Variants in DOCK7 observed in about 807,000 individuals in gnomAD.
DOCK7 encodes dedicator of cytokinesis protein 7.
In DOCK7, 138 loss-of-function variants were observed where a neutral mutation model predicts 271.0. The observed-to-expected ratio is 0.51, with a 90% confidence interval of 0.44 to 0.59. DOCK7 has a LOEUF of 0.59. Ranked by LOEUF, DOCK7 falls within the 20% of genes least tolerant of loss-of-function variation. The pLI is 0.00. For synonymous variants in DOCK7, 823 were observed against 876.1 expected, an observed-to-expected ratio of 0.94 and a Z score of 1.07; for missense variants, 2,066 against 2,592.4, an observed-to-expected ratio of 0.80 and a Z score of 4.41.
chr1:62,570,713 G>A (rs1646743302), intron 18 of DOCK7, among the ~76,000 whole-genome samples: 1 of 152,058 alleles, frequency 6.6e-6, no homozygotes, highest in African/African-American at 2.4e-5. Flanking sequence ...CAGACACATA[G>A]ACCAATGGAA....
chr1:62,602,232 C>A, intron 14 of DOCK7: 1 of 1,386,550 alleles, frequency 7.2e-7, no homozygotes, highest in Admixed American at 1.7e-5. Context: ...GTGTTATTTA[C>A]ATCTGTCAAC....
At chr1:62,626,504 A>C (rs1396829963) in intron 11 of DOCK7, among the ~76,000 whole-genome samples, 1 of 152,080 alleles carries the variant, frequency 6.6e-6, no homozygotes, top group Non-Finnish European at 1.5e-5. Context: ...CAAAAAAAAA[A>C]AGACTCAAAT....
intron 31 of DOCK7, among the ~76,000 whole-genome samples, chr1:62,525,138 T>G (rs1557666532): frequency 6.6e-6 from 1 of 151,146 alleles, no homozygotes; most frequent in Non-Finnish European, 1.5e-5. Flanking sequence ...CCTGAGTAGC[T>G]GGGATTACAG....
chr1:62,636,423 T>G, intron 8 of DOCK7, 114 bp downstream of exon 8: 1 of 769,670 alleles, frequency 1.3e-6, no homozygotes, highest in Non-Finnish European at 2.0e-6. Context: ...TCTATTTCCT[T>G]TTTAAAAAGA....
At chr1:62,583,399 C>T in intron 15 of DOCK7, 145 bp from the exon 16 acceptor site, 1 of 602,338 alleles carries the variant, frequency 1.7e-6, no homozygotes, top group South Asian at 2.6e-5. Flanking sequence ...TACTGACGTT[C>T]ATCAAAAAGT....
Position 62,490,464 on chromosome 1 carries a change from ACC to A in DOCK7, c.5362-1401_5362-1400del, listed in dbSNP as rs1646431942. Among the ~76,000 whole-genome samples, 5 of 152,102 alleles carry A rather than the reference ACC, an allele frequency of 3.3e-5. No individual in the cohort carries two copies. In the South Asian group the frequency reaches 6.2e-4, roughly 19 times the overall value. Reference sequence around the variant, plus strand: ...AAGAGAGAGATGTTTTCCAAAAGCCACCGAGTCCTCATCGGTTCACAGATCAG... The same window carrying A: ...AAGAGAGAGATGTTTTCCAAAAGCCAGAGTCCTCATCGGTTCACAGATCAG... On this transcript the variant is annotated intron_variant, in intron 41 of 49. Coordinates refer to ENST00000635253, the MANE Select transcript of DOCK7 (RefSeq NM_001367561.1).
intron 12 of DOCK7, among the ~76,000 whole-genome samples, chr1:62,623,395 T>C (rs1384419211): frequency 6.6e-6 from 1 of 152,246 alleles, no homozygotes; most frequent in African/African-American, 2.4e-5. Context: ...AGCAATCATT[T>C]ATTTTTAAGT....
chr1:62,623,774 G>A (rs1653580099), intron 12 of DOCK7, among the ~76,000 whole-genome samples: 1 of 152,150 alleles, frequency 6.6e-6, no homozygotes, highest in Non-Finnish European at 1.5e-5. Context: ...ATAATAAAAA[G>A]ACCAATACCA....
chr1:62,593,621 AACT>A (rs1648785728), intron 14 of DOCK7, among the ~76,000 whole-genome samples: 2 of 152,258 alleles, frequency 1.3e-5, no homozygotes, highest in African/African-American at 2.4e-5. Flanking sequence ...ACGGCTGTTC[AACT>A]AAAAAATATA....
Position 62,529,360 on chromosome 1 carries a change from T to C in DOCK7, c.3698A>G (p.Gln1233Arg). The C allele has an allele frequency of 6.2e-7, 1 of 1,613,804 alleles. No homozygotes were observed. The highest frequency in any genetic ancestry group is 8.5e-7 in the Non-Finnish European group (1 of 1,179,920). Residue 1233 changes from glutamine to arginine, a missense_variant, in exon 30 of 50, where the codon CAG (glutamine) becomes CGG (arginine). Coordinates refer to ENST00000635253, the MANE Select transcript of DOCK7 (RefSeq NM_001367561.1). ...HDSDPRYSDP[Q>R]IKARVAMLYL... is the part of the protein sequence containing the mutation. ...CAACATGGCCACTCGAGCCTTTATC[T>C]GAGGGTCAGAGTACCGCGGGTCTGA...
intron 12 of DOCK7, among the ~76,000 whole-genome samples, chr1:62,624,246 G>T (rs139912872): frequency 1.3e-5 from 2 of 151,920 alleles, no homozygotes; most frequent in African/African-American, 2.4e-5. Context: ...GGGAGGGGGG[G>T]AACGACTCCC....
Position 62,503,933 on chromosome 1 carries a change from G to A in DOCK7, c.4764+697C>T, listed in dbSNP as rs969655159. On this transcript the variant is annotated intron_variant, in intron 37 of 49. Transcript: ENST00000635253. ...GTGGTGGCGGGCACCTGTAATCCCA[G>A]CTACTTGGGAGGCTGAGGCAGGAGA... Among the ~76,000 whole-genome samples, 4 of 152,040 alleles carry A rather than the reference G, an allele frequency of 2.6e-5. No individual in the cohort carries two copies. In the East Asian group the frequency reaches 7.8e-4, roughly 30 times the overall value.
chr1:62,587,299 T>TAAAAAAAAAAAAAAAAAAAAAAAAAAAC, intron 14 of DOCK7, among the ~76,000 whole-genome samples: 2 of 41,818 alleles, frequency 4.8e-5, no homozygotes, highest in African/African-American at 7.2e-5. Context: ...ACCAAATAGC[T>TAAAAAAAAAAAAAAAAAAAAAAAAAAAC]AAAAAAAAAA....
chr1:62,553,326 A>ATATATATG (rs1557706012), intron 21 of DOCK7, among the ~76,000 whole-genome samples: 6 of 3,246 alleles, frequency 1.8e-3, no homozygotes, highest in African/African-American at 6.8e-3. Context: ...ATATATATAT[A>ATATATATG]TATATATATA....
rs186585215 is a variant in DOCK7, at chr1:62,675,700, G to T, written c.38+12527C>A. On this transcript the variant is annotated intron_variant, in intron 1 of 49. Coordinates refer to ENST00000635253, the MANE Select transcript of DOCK7 (RefSeq NM_001367561.1). ...CTCAGGAGGCTGAGGCAGGAGAATG[G>T]TGTGAACCCGGGAAGTGGAGCTTGC... Among the ~76,000 whole-genome samples, 4 of 152,024 alleles carry T rather than the reference G, an allele frequency of 2.6e-5. No individual in the cohort carries two copies. The East Asian group carries it at 7.7e-4, about 29-fold the overall frequency.
In DOCK7 at chr1:62,688,324, G is replaced by A. The variant is rs1416324062; in HGVS notation, c.-60C>T. The A allele has an allele frequency of 4.5e-6, 5 of 1,112,474 alleles. No individual in the cohort carries two copies. In the Admixed American group the frequency reaches 1.8e-4, roughly 41 times the overall value. The allele number at this position is 1,112,474 out of a possible 1,614,324, so 68.9% of individuals were successfully genotyped here. A position where few individuals can be genotyped will look rare whatever the true frequency, so the allele number is the denominator to read the frequency against. On this transcript the variant is annotated 5_prime_UTR_variant, in exon 1 of 50. Transcript: ENST00000635253. ...GCGGCGGGCCGGGTGCGGACCGGCG[G>A]GCGCGTGCCTCCTCGCTCGTGCTCC...
intron 14 of DOCK7, among the ~76,000 whole-genome samples, chr1:62,594,813 T>C (rs767295958): frequency 2.6e-5 from 4 of 152,142 alleles, no homozygotes; most frequent in Admixed American, 6.5e-5. Flanking sequence ...TATAGTGTAA[T>C]AGGGGAGAGA....
In DOCK7 at chr1:62,505,688, A is replaced by C. The variant is rs772786176; in HGVS notation, c.4605T>G (p.Val1535=). 1 of 1,606,522 alleles carries C rather than the reference A, an allele frequency of 6.2e-7. No individual in the cohort carries two copies. ...QHCFATQRAL[V]SKFPELLFEE... ...CAGGTACAAAATAACCTACCTTTGA[A>C]ACCAAGGCTCTCTGTGTAGCAAAAC... Residue 1535 remains valine (V), a synonymous_variant, in exon 36 of 50, where the codon GTT becomes GTG. Coordinates refer to ENST00000635253, the MANE Select transcript of DOCK7 (RefSeq NM_001367561.1).
intron 15 of DOCK7, 75 bp from the exon 16 acceptor site, chr1:62,583,329 C>A: frequency 7.4e-7 from 1 of 1,356,466 alleles, no homozygotes; most frequent in South Asian, 1.2e-5. Context: ...AAGAATTTGT[C>A]TGATTTAATA....
Sources: allele counts gnomAD v4.1 joint callset (sites outside exome capture counted in the v4.1 genomes callset), GRCh38; gene constraint gnomAD v4.1.1; transcripts MANE v1.5; gene names NCBI Gene and HGNC (gene_info 2026-07-23, HGNC 2026-07-21).